STIM1: variants seen among roughly 807,000 people sequenced by gnomAD.
STIM1 encodes the protein stromal interaction molecule 1.
In STIM1, 25 loss-of-function variants were observed where a neutral mutation model predicts 74.7. That is an observed-to-expected ratio of 0.33 (90% CI 0.24 to 0.47). STIM1 has a LOEUF of 0.47. Among genes scored for constraint, STIM1 ranks in the 20% least tolerant of loss-of-function variants. STIM1 has a pLI of 1.00. For synonymous variants in STIM1, 328 were observed against 348.8 expected (o/e 0.94, Z 0.66); for missense variants, 728 against 920.8 (o/e 0.79, Z 2.71).
chr11:3,896,139 C>T (rs1188404689), intron 1 of STIM1, among the ~76,000 whole-genome samples: 2 of 151,986 alleles, frequency 1.3e-5, no homozygotes, highest in Admixed American at 1.3e-4. Flanking sequence ...CTCCTGATCT[C>T]GTGATCCGCC....
At chr11:3,969,497 CACAAA>C (rs2093371658) in intron 2 of STIM1, among the ~76,000 whole-genome samples, 2 of 151,976 alleles carry the variant, frequency 1.3e-5, no homozygotes, top group Admixed American at 6.6e-5. Context: ...CAAAACAAAA[CACAAA>C]ACAAAACACA....
rs1488943752 is a variant in STIM1 at position 3,892,847 on chromosome 11, C to A, written c.139+36438C>A. On this transcript the variant is annotated intron_variant, in intron 1 of 12. Transcript: ENST00000526596. ...GAAGGAGACATGGCCCAAGGGCTCG[C>A]TGTTGACAGCAATGTCGAAGAACAC... 3 of 1,608,504 alleles carry A rather than the reference C, an allele frequency of 1.9e-6. No individual in the cohort carries two copies. The East Asian group carries it at 6.7e-5, about 36-fold the overall frequency.
At chr11:3,981,295 G>T (rs1229777093) in intron 2 of STIM1, among the ~76,000 whole-genome samples, 1 of 152,130 alleles carries the variant, frequency 6.6e-6, no homozygotes, top group Non-Finnish European at 1.5e-5. Context: ...AGAGTACTTG[G>T]CATGAACCTT....
chr11:3,971,212 T>TA (rs1215283277), intron 2 of STIM1, among the ~76,000 whole-genome samples: 1 of 120,836 alleles, frequency 8.3e-6, no homozygotes, highest in South Asian at 2.6e-4. Flanking sequence ...CTTGTCTCTA[T>TA]AAAAAAATAA....
At chr11:3,914,599 G>T (rs949176020) in intron 1 of STIM1, among the ~76,000 whole-genome samples, 3 of 152,060 alleles carry the variant, frequency 2.0e-5, no homozygotes, top group Non-Finnish European at 2.9e-5. Context: ...GCACCGCCAC[G>T]CCCGGCTGAT....
chr11:4,018,054 C>T (rs994045408), intron 2 of STIM1, among the ~76,000 whole-genome samples: 1 of 152,216 alleles, frequency 6.6e-6, no homozygotes, highest in Non-Finnish European at 1.5e-5. Flanking sequence ...ATGGCTCACG[C>T]CTATAATCCC....
chr11:3,875,103 G>A (rs2091265438), intron 1 of STIM1, among the ~76,000 whole-genome samples: 1 of 152,032 alleles, frequency 6.6e-6, no homozygotes, highest in Non-Finnish European at 1.5e-5. Context: ...CAAACCCTCA[G>A]CTTCGTCTTG....
In STIM1 at chr11:4,073,701, C is replaced by T. The variant is rs115418401; in HGVS notation, c.792-801C>T. Among the ~76,000 whole-genome samples, 365 of 152,186 alleles carry T rather than the reference C, an allele frequency of 2.4e-3. 1 individual carries two copies. The highest frequency in any genetic ancestry group is 8.1e-3 in the African/African-American group (336 of 41,500). ...TGTTTAGCTGGATGGAAGGTTTTGT[C>T]GGTGAACTGAGGGAATGTGTGTGAC... On this transcript the variant is annotated intron_variant, in intron 6 of 12. Coordinates refer to ENST00000526596, the MANE Select transcript of STIM1 (RefSeq NM_001382567.1).
Position 3,960,695 on chromosome 11 carries a change from A to G in STIM1, c.140-6857A>G, listed in dbSNP as rs1373711909. Among the ~76,000 whole-genome samples the G allele has an allele frequency of 3.3e-5, 5 of 152,342 alleles. No homozygotes were observed. In the South Asian group the frequency reaches 1.0e-3, roughly 32 times the overall value. ...TATAGTCTCGTATAAGGTATCCACA[A>G]TAGTCTGACTAGTAAAATATTCCTG... On this transcript the variant is annotated intron_variant, in intron 1 of 12. Coordinates refer to ENST00000526596, the MANE Select transcript of STIM1 (RefSeq NM_001382567.1).
In STIM1 at chr11:3,975,462, C is replaced by CA. The variant is rs1405653572; in HGVS notation, c.270+7787dup. 2.6e-5 allele frequency among the ~76,000 whole-genome samples: 4 copies of CA among 152,064 alleles called. No homozygotes were observed. In the East Asian group the frequency reaches 7.7e-4, roughly 29 times the overall value. Reference sequence around the variant, plus strand: ...CAAAACCCTCTCTGTACTAAAAATACAAAAAAATTAGCTGGTGTGGTGACA... The same window carrying CA: ...CAAAACCCTCTCTGTACTAAAAATACAAAAAAAATTAGCTGGTGTGGTGACA... On this transcript the variant is annotated intron_variant, in intron 2 of 12. Coordinates refer to ENST00000526596, the MANE Select transcript of STIM1 (RefSeq NM_001382567.1).
chr11:4,046,200 G>A (rs1268979692), intron 3 of STIM1, among the ~76,000 whole-genome samples: 1 of 151,504 alleles, frequency 6.6e-6, no homozygotes, highest in African/African-American at 2.4e-5. Context: ...AAGTAGCTGG[G>A]ATCACAGGCA....
chr11:3,990,060 C>T (rs1310155903), intron 2 of STIM1, among the ~76,000 whole-genome samples: 1 of 152,194 alleles, frequency 6.6e-6, no homozygotes, highest in African/African-American at 2.4e-5. Context: ...CTCCACATTT[C>T]CCCCAGCCCT....
At chr11:3,928,984 C>T (rs2135552387) in intron 1 of STIM1, among the ~76,000 whole-genome samples, 1 of 152,314 alleles carries the variant, frequency 6.6e-6, no homozygotes, top group South Asian at 2.1e-4. Flanking sequence ...AATTCTCCTG[C>T]CTCAGCCTCC....
chr11:3,892,571 T>A, intron 1 of STIM1: 1 of 1,601,898 alleles, frequency 6.2e-7, no homozygotes, highest in Non-Finnish European at 8.6e-7. Context: ...ACTGTTTGTG[T>A]TGGGTCCAGC....
At chr11:3,882,772 A>G (rs547086763) in intron 1 of STIM1, among the ~76,000 whole-genome samples, 57 of 152,330 alleles carry the variant, frequency 3.7e-4, no homozygotes, top group Middle Eastern at 3.4e-3. Flanking sequence ...TATACCAGCA[A>G]TGGACTAAAG....
chr11:4,055,429 AAC>A, intron 3 of STIM1, 95 bp from the exon 4 acceptor site: 1 of 906,656 alleles, frequency 1.1e-6, no homozygotes, highest in Admixed American at 2.0e-5. Flanking sequence ...ATAGATATTA[AAC>A]ACACAAATGT....
chr11:3,892,285 A>C, intron 1 of STIM1: 1 of 707,546 alleles, frequency 1.4e-6, no homozygotes, highest in Non-Finnish European at 2.5e-6. Context: ...AACTGCAGCA[A>C]GAGCACAAAG....
chr11:3,867,261 G>A (rs2090895858), intron 1 of STIM1: 1 of 152,380 alleles, frequency 6.6e-6, no homozygotes, highest in African/African-American at 2.4e-5. Context: ...GTCATAATGA[G>A]GGATGGTTTG....
At chr11:3,967,034 C>A (rs771694147) in intron 1 of STIM1, among the ~76,000 whole-genome samples, 1 of 152,172 alleles carries the variant, frequency 6.6e-6, no homozygotes, top group East Asian at 1.9e-4. Flanking sequence ...CAATGGCTGA[C>A]CTTATATGTA....
Sources: allele counts gnomAD v4.1 joint callset (sites outside exome capture counted in the v4.1 genomes callset), GRCh38; gene constraint gnomAD v4.1.1; transcripts MANE v1.5; gene names NCBI Gene and HGNC (gene_info 2026-07-23, HGNC 2026-07-21).